Variants in CPVL observed in about 807,000 individuals in gnomAD.
The protein encoded by CPVL is probable serine carboxypeptidase CPVL.
Under a neutral mutation model 63.7 loss-of-function variants are expected in CPVL, and 51 were observed. That is an observed-to-expected ratio of 0.80 (90% CI 0.64 to 1.01). CPVL has a LOEUF of 1.01. CPVL is among the 50% of genes least tolerant of loss of function. CPVL has a pLI of 0.00. For missense variants in CPVL, 530 were observed against 573.1 expected (o/e 0.92, Z 0.77); for synonymous variants, 195 against 206.0 (o/e 0.95, Z 0.46).
At chr7:29,062,964 G>A (rs564624197) in intron 11 of CPVL, among the ~76,000 whole-genome samples, 32 of 152,236 alleles carry the variant, frequency 2.1e-4, no homozygotes, top group Admixed American at 1.0e-3. Context: ...GGCATCCTTC[G>A]GAGTTGCCCT....
At chr7:29,181,583 G>A (rs780218339) in intron 4 of CPVL, among the ~76,000 whole-genome samples, 35 of 152,290 alleles carry the variant, frequency 2.3e-4, no homozygotes, top group South Asian at 6.2e-4. Flanking sequence ...GCCATTAAAA[G>A]TCACATTAGG....
chr7:29,094,179 A>G (rs1375521937), intron 5 of CPVL, among the ~76,000 whole-genome samples: 3 of 152,076 alleles, frequency 2.0e-5, no homozygotes, highest in African/African-American at 7.2e-5. Context: ...CATCTCTACT[A>G]AAAATACAAA....
intron 7 of CPVL, among the ~76,000 whole-genome samples, chr7:29,075,811 G>A (rs559702475): frequency 4.7e-5 from 7 of 150,320 alleles, no homozygotes; most frequent in East Asian, 3.9e-4. Context: ...TGACAAATCC[G>A]TCATTGCCTT....
intron 9 of CPVL, among the ~76,000 whole-genome samples, chr7:29,068,653 C>T (rs908959786): frequency 2.0e-5 from 3 of 151,320 alleles, no homozygotes; most frequent in African/African-American, 7.3e-5. Context: ...ACCCACAGGA[C>T]TGCATCACCA....
chr7:29,097,786 G>T (rs1198243143), intron 3 of CPVL, among the ~76,000 whole-genome samples: 1 of 152,178 alleles, frequency 6.6e-6, no homozygotes, highest in Non-Finnish European at 1.5e-5. Context: ...AAAGGAGAAG[G>T]TGATTAGCGA....
chr7:29,062,394 C>T (rs952428683), intron 11 of CPVL, among the ~76,000 whole-genome samples: 18 of 152,142 alleles, frequency 1.2e-4, no homozygotes, highest in Non-Finnish European at 1.6e-4. Flanking sequence ...CTACATGTCC[C>T]CAAGAAAACC....
At chr7:29,102,766 T>A (rs1253109321) in intron 3 of CPVL, among the ~76,000 whole-genome samples, 1 of 151,528 alleles carries the variant, frequency 6.6e-6, no homozygotes, top group African/African-American at 2.4e-5. Context: ...ACCCATGAAC[T>A]TGGACACTCT....
intron 2 of CPVL, among the ~76,000 whole-genome samples, chr7:29,117,919 A>G (rs1788938744): frequency 6.6e-6 from 1 of 152,218 alleles, no homozygotes; most frequent in Admixed American, 6.5e-5. Context: ...TTTTACAACT[A>G]CGACAGCTCT....
intron 9 of CPVL, among the ~76,000 whole-genome samples, chr7:29,069,864 C>T (rs1271140982): frequency 6.6e-6 from 1 of 150,890 alleles, no homozygotes; most frequent in African/African-American, 2.4e-5. Flanking sequence ...TGACCTATCT[C>T]CAGAGTACTC....
At chr7:29,082,322 A>ATT (rs1239250434) in intron 7 of CPVL, 1 of 152,202 alleles carries the variant, frequency 6.6e-6, no homozygotes, top group Non-Finnish European at 1.5e-5. Context: ...TGATTGTTAG[A>ATT]TGAAAAGCAG....
Position 29,081,067 on chromosome 7 carries a change from T to C in CPVL, c.609+5417A>G, listed in dbSNP as rs145261006. ...ATAAAGCCACAGGCTCAGAGAACAA[T>C]GGGCGGTCCCCCTGATCCTGTCACC... is the stretch of plus-strand genomic sequence containing the variant. On this transcript the variant is annotated intron_variant, in intron 7 of 12. Coordinates refer to ENST00000265394, the MANE Select transcript of CPVL (RefSeq NM_031311.5). Among the ~76,000 whole-genome samples the C allele has an allele frequency of 4.4e-3, 663 of 152,258 alleles. 1 individual carries two copies. The highest frequency in any genetic ancestry group is 0.015 in the African/African-American group (623 of 41,556).
chr7:29,193,304 C>T (rs1783135796), intron 1 of CPVL: 3 of 151,760 alleles, frequency 2.0e-5, no homozygotes, highest in Non-Finnish European at 4.4e-5. Flanking sequence ...GACGTGGGTG[C>T]GTACTGTGAT....
At chr7:29,063,395 G>A (rs956705881) in intron 11 of CPVL, among the ~76,000 whole-genome samples, 12 of 152,078 alleles carry the variant, frequency 7.9e-5, no homozygotes, top group Non-Finnish European at 1.3e-4. Context: ...TATCCCTGAC[G>A]TCATTGGGAT....
chr7:29,112,740 G>GT lies in CPVL; in HGVS notation c.251dup (p.Tyr84Ter), dbSNP rs778055365. 6.2e-7 allele frequency: 1 copy of GT among 1,613,524 alleles called. No homozygotes were observed. Among genetic ancestry groups the GT allele is most frequent in the South Asian group, 1.1e-5 (1 of 91,042 alleles). ...AGAACCAGAAGAAGAGGTTGCTGTT[G>GT]TAAGTCTTATTCACGGTGAGGAAGC... Reference protein sequence around the residue: ...YAGFLTVNKTYNSNLFFWFFP... With the variant: ...YAGFLTVNKT The change falls in exon 3 of 13, where the codon TAC becomes TAAC. Residue 84 changes from tyrosine (Y) to a stop codon, truncating the protein, a stop_gained and frameshift_variant. Coordinates refer to ENST00000265394, the MANE Select transcript of CPVL (RefSeq NM_031311.5).
chr7:29,038,708 G>GA (rs1235261328), intron 11 of CPVL, among the ~76,000 whole-genome samples: 2 of 152,182 alleles, frequency 1.3e-5, no homozygotes, highest in Non-Finnish European at 1.5e-5. Flanking sequence ...TCTTAGAAGA[G>GA]AAAAATATTC....
chr7:29,096,487 A>G, intron 3 of CPVL: 1 of 504,412 alleles, frequency 2.0e-6, no homozygotes, highest in Non-Finnish European at 3.6e-6. Flanking sequence ...CCTTAAATGT[A>G]GATGCTTGGC....
intron 11 of CPVL, among the ~76,000 whole-genome samples, chr7:29,041,898 C>T (rs1466439147): frequency 6.6e-6 from 1 of 152,034 alleles, no homozygotes; most frequent in African/African-American, 2.4e-5. Context: ...GTGTTAAGGA[C>T]AATATATTGT....
intron 9 of CPVL, among the ~76,000 whole-genome samples, chr7:29,070,790 C>G (rs1405804492): frequency 6.6e-6 from 1 of 152,204 alleles, no homozygotes; most frequent in East Asian, 1.9e-4. Context: ...TGTCCCAACA[C>G]CCTACTTGTA....
At chr7:29,191,615 C>A (rs1782903159) in intron 1 of CPVL, 1 of 152,096 alleles carries the variant, frequency 6.6e-6, no homozygotes, top group Non-Finnish European at 1.5e-5. Context: ...CTTAAGAAGC[C>A]CACATTATCC....
Sources: allele counts gnomAD v4.1 joint callset (sites outside exome capture counted in the v4.1 genomes callset), GRCh38; gene constraint gnomAD v4.1.1; transcripts MANE v1.5; gene names NCBI Gene and HGNC (gene_info 2026-07-23, HGNC 2026-07-21).